ADGRV1: variants seen among roughly 807,000 people sequenced by gnomAD.
ADGRV1 encodes adhesion G protein-coupled receptor V1, also known as G-protein coupled receptor 98.
Under a neutral mutation model 596.2 loss-of-function variants are expected in ADGRV1, and 359 were observed. The ratio of observed to expected loss-of-function variants is 0.60; its 90% CI spans 0.55 to 0.66. The LOEUF (loss-of-function observed/expected upper bound fraction) is 0.66, where lower values mean the gene tolerates loss of function less well. Ranked by LOEUF, ADGRV1 falls within the 30% of genes least tolerant of loss-of-function variation. The probability of loss-of-function intolerance (pLI) is 0.00; values close to 1 mark genes in which losing one functional copy is unlikely to be tolerated. For synonymous variants in ADGRV1, 2,681 were observed against 2,679.2 expected (o/e 1.00, Z -0.02); for missense variants, 7,274 against 7,575.6 (o/e 0.96, Z 1.48).
rs550370745 is a variant in ADGRV1 at position 90,643,393 on chromosome 5, A to G, written c.2553+352A>G. Among the ~76,000 whole-genome samples, 6 of 152,294 alleles carry G rather than the reference A, an allele frequency of 3.9e-5. No individual in the cohort carries two copies. The South Asian group carries it at 6.2e-4, about 16-fold the overall frequency. The stretch of plus-strand genomic sequence containing the variant: ...GGTTTTAAACTGAAGAAATTTTGCT[A>G]TAGAATTACTTTGTTCAAAAAAAGA... On this transcript the variant is annotated intron_variant, in intron 13 of 89. Transcript: ENST00000405460.
Position 90,781,484 on chromosome 5 carries a change from A to G in ADGRV1, c.13137A>G (p.Glu4379=), listed in dbSNP as rs1231453271. The change falls in exon 65 of 90, where the codon GAA becomes GAG. Residue 4379 remains glutamate (E), a synonymous_variant. Transcript: ENST00000405460. ...ENGLQIDQPP[E]IGNISIVRII... is the part of the protein sequence containing the mutation. ...GACTTCAGATAGATCAACCTCCTGAAATAGGAAACATCTCCATTGTTCGCA... is the reference window on the plus strand; with the variant it reads ...GACTTCAGATAGATCAACCTCCTGAGATAGGAAACATCTCCATTGTTCGCA... 1 of 1,610,350 alleles carries G rather than the reference A, an allele frequency of 6.2e-7. No individual in the cohort carries two copies. The highest frequency in any genetic ancestry group is 1.7e-5 in the Admixed American group (1 of 59,544).
intron 89 of ADGRV1, 128 bp from the exon 90 acceptor site, chr5:91,163,654 C>A: frequency 1.9e-6 from 1 of 527,302 alleles, no homozygotes; most frequent in Non-Finnish European, 3.4e-6. Flanking sequence ...AATATCTATT[C>A]TAAATGTATG....
intron 42 of ADGRV1, among the ~76,000 whole-genome samples, chr5:90,712,889 A>G (rs1749567073): frequency 6.6e-6 from 1 of 152,106 alleles, no homozygotes; most frequent in South Asian, 2.1e-4. Context: ...GATACTTCAG[A>G]CAGATTATGG....
At chr5:90,746,779 AT>A (rs551222965) in intron 52 of ADGRV1, among the ~76,000 whole-genome samples, 205 of 152,298 alleles carry the variant, frequency 1.3e-3, no homozygotes, top group African/African-American at 4.5e-3. Context: ...CTTATGTCTC[AT>A]TGTCCAGAAC....
intron 42 of ADGRV1, among the ~76,000 whole-genome samples, chr5:90,713,970 A>G (rs778699603): frequency 6.6e-5 from 10 of 152,160 alleles, no homozygotes; most frequent in Non-Finnish European, 8.8e-5. Context: ...CCTTGAGACT[A>G]TTTCCAAACC....
In ADGRV1 at chr5:90,853,405, A is replaced by T; in HGVS notation, c.17326A>T (p.Arg5776Trp). 4 of 1,613,626 alleles carry T rather than the reference A, an allele frequency of 2.5e-6. No individual in the cohort carries two copies. The highest frequency in any genetic ancestry group is 3.4e-6 in the Non-Finnish European group (4 of 1,179,620). ...AGGAGATTACATTCGAATTCCAGAG[A>T]GGCTACTGGATGTCCAGGATGCAGA... ...KEGDYIRIPERLLDVQDAEIM... is the reference protein window; with the variant it reads ...KEGDYIRIPEWLLDVQDAEIM... The change falls in exon 80 of 90, where the codon AGG becomes TGG. Residue 5776 changes from arginine to tryptophan, a missense_variant. Physicochemically the swap from Arg to Trp is moderately radical, Grantham distance 101 (BLOSUM62 -3). Around this residue, in one of 5 missense-constraint regions of ADGRV1, gnomAD observed 1,874 missense variants for 1,970.2 expected, o/e 0.95. Transcript: ENST00000405460.
At chr5:91,112,739 A>G (rs1397128436) in intron 87 of ADGRV1, among the ~76,000 whole-genome samples, 1 of 152,180 alleles carries the variant, frequency 6.6e-6, no homozygotes, top group Non-Finnish European at 1.5e-5. Flanking sequence ...TGTAACGTTC[A>G]GCCATCAGAT....
intron 86 of ADGRV1, among the ~76,000 whole-genome samples, chr5:91,096,262 G>T (rs1318845626): frequency 6.6e-6 from 1 of 152,186 alleles, no homozygotes; most frequent in Non-Finnish European, 1.5e-5. Flanking sequence ...CATTATTGTT[G>T]TCAGTGGTGC....
At position 90,790,792 on chromosome 5, in the gene ADGRV1, T is replaced by C. The variant is rs575106860; in HGVS notation, c.14044-81T>C. 301 of 890,562 alleles carry C rather than the reference T, an allele frequency of 3.4e-4. 1 individual carries two copies. The African/African-American group carries it at 4.8e-3, about 14-fold the overall frequency. The allele number at this position is 890,562 out of a possible 1,614,324, so 55.2% of individuals were successfully genotyped here. A position where few individuals can be genotyped will look rare whatever the true frequency, so the allele number is the denominator to read the frequency against. On this transcript the variant is annotated intron_variant, in intron 69 of 89. Transcript: ENST00000405460. ...AATTATATTTTTTTTTTGTATATTA[T>C]AGAGAAAAACATAATTTAAGGGAAT...
intron 69 of ADGRV1, among the ~76,000 whole-genome samples, 184 bp downstream of exon 69, chr5:90,790,035 C>T (rs921886550): frequency 2.0e-5 from 3 of 152,204 alleles, no homozygotes; most frequent in Non-Finnish European, 4.4e-5. Context: ...CAACCTCTAG[C>T]TATCTCTCTA....
At chr5:90,985,311 A>C in intron 84 of ADGRV1, 33 bp from the exon 85 acceptor site, 1 of 1,521,074 alleles carries the variant, frequency 6.6e-7, no homozygotes, top group Non-Finnish European at 8.9e-7. Flanking sequence ...ATTAAAGAAG[A>C]GCCTGTTCAT....
intron 83 of ADGRV1, among the ~76,000 whole-genome samples, chr5:90,962,649 T>C (rs1423770271): frequency 6.6e-6 from 1 of 152,210 alleles, no homozygotes; most frequent in African/African-American, 2.4e-5. Context: ...CAAGTATTTT[T>C]TGTGCATCCC....
intron 1 of ADGRV1, among the ~76,000 whole-genome samples, chr5:90,582,114 T>G (rs1427679718): frequency 1.3e-5 from 2 of 151,826 alleles, no homozygotes; most frequent in Admixed American, 6.6e-5. Context: ...CATGTGTTTT[T>G]TTTTTTTTTT....
At chr5:90,819,509 G>A (rs1268684044) in intron 75 of ADGRV1, among the ~76,000 whole-genome samples, 7 of 149,940 alleles carry the variant, frequency 4.7e-5, no homozygotes, top group African/African-American at 1.0e-4. Context: ...TGTGATGTTA[G>A]GGTGTCAATT....
intron 1 of ADGRV1, among the ~76,000 whole-genome samples, chr5:90,573,842 G>A (rs1321600645): frequency 6.6e-6 from 1 of 152,214 alleles, no homozygotes; most frequent in Non-Finnish European, 1.5e-5. Context: ...ATTCATGTGT[G>A]TGTGTGCACG....
chr5:90,870,801 C>T (rs1386825126), intron 83 of ADGRV1, among the ~76,000 whole-genome samples: 1 of 152,168 alleles, frequency 6.6e-6, no homozygotes, highest in Non-Finnish European at 1.5e-5. Flanking sequence ...CCCCCATCTC[C>T]TCCACTAATA....
chr5:91,153,161 T>G, intron 88 of ADGRV1, 60 bp from the exon 89 acceptor site: 2 of 1,389,872 alleles, frequency 1.4e-6, no homozygotes, highest in Non-Finnish European at 2.0e-6. Context: ...TTGGGTTTCA[T>G]AGTGAATGTG....
rs16869406 is a variant in ADGRV1, at chr5:91,070,657, A to G, written c.18153-1790A>G. 9.3e-3 allele frequency among the ~76,000 whole-genome samples: 1,422 copies of G among 152,322 alleles called. 14 individuals carry two copies. The highest frequency in any genetic ancestry group is 0.031 in the African/African-American group (1,290 of 41,554). On this transcript the variant is annotated intron_variant, in intron 85 of 89. Transcript: ENST00000405460. ...AGCGCAAGTGGATGTTATGTTCCAT[A>G]AGTAAAAATTTCTAGTTATATCTCT...
intron 82 of ADGRV1, among the ~76,000 whole-genome samples, chr5:90,858,460 C>T (rs1472365365): frequency 3.3e-5 from 5 of 151,936 alleles, no homozygotes; most frequent in Non-Finnish European, 5.9e-5. Flanking sequence ...GAATACAAGT[C>T]TTATAGTCTT....
Sources: allele counts gnomAD v4.1 joint callset (sites outside exome capture counted in the v4.1 genomes callset), GRCh38; gene constraint gnomAD v4.1.1; regional missense constraint gnomAD v4.1.1; transcripts MANE v1.5; gene names NCBI Gene and HGNC (gene_info 2026-07-23, HGNC 2026-07-21).